The following TTN variants were observed in gnomAD, a reference collection of about 807,000 sequenced individuals.
TTN encodes connectin.
Under a neutral mutation model 3,223.0 loss-of-function variants are expected in TTN, and 1,525 were observed. The ratio of observed to expected loss-of-function variants is 0.47; its 90% CI spans 0.45 to 0.49. The LOEUF (loss-of-function observed/expected upper bound fraction) is 0.49. TTN is among the 20% of genes least tolerant of loss of function. The pLI, the probability that TTN is intolerant of heterozygous loss-of-function variation, is 0.00. For missense variants in TTN, 40,786 were observed against 43,424.0 expected, an observed-to-expected ratio of 0.94 and a Z score of 5.40; for synonymous variants, 14,094 against 15,161.0, an observed-to-expected ratio of 0.93 and a Z score of 5.17.
chr2:178,721,305 T>A, intron 78 of TTN, 103 bp from the exon 79 acceptor site: 2 of 1,051,164 alleles, frequency 1.9e-6, no homozygotes, highest in South Asian at 6.6e-5. Flanking sequence ...TTAAACTGGT[T>A]TGTTATTAAG....
In TTN at chr2:178,741,066, G is replaced by A. The variant is rs794729601; in HGVS notation, c.12167C>T (p.Pro4056Leu). ...TGCTTCAACTGCGGGACCCTTTAAG[G>A]GTGTCTGTGGAAAATCCTCAGGAGC... ...PEAPEDFPQTPLKGPAVEALD... is the reference protein window; with the variant it reads ...PEAPEDFPQTLLKGPAVEALD... The change falls in exon 48 of 363, where the codon CCC becomes CTC. Residue 4056 changes from proline to leucine, a missense_variant. Coordinates refer to ENST00000589042, the MANE Select transcript of TTN (RefSeq NM_001267550.2). The A allele has an allele frequency of 1.9e-6, 3 of 1,613,888 alleles. No individual in the cohort carries two copies.
intron 10 of TTN, among the ~76,000 whole-genome samples, chr2:178,791,272 A>T (rs1471224076): frequency 6.6e-6 from 1 of 152,228 alleles, no homozygotes. Context: ...AGGGAAATTC[A>T]GTCAGCAGCC....
intron 240 of TTN, among the ~76,000 whole-genome samples, chr2:178,626,283 C>A (rs1200240705): frequency 2.0e-5 from 3 of 151,948 alleles, no homozygotes; most frequent in Non-Finnish European, 4.4e-5. Flanking sequence ...TTCAAAACTG[C>A]AAATGAAAGT....
Position 178,713,946 on chromosome 2 carries a change from C to T in TTN, c.26712G>A (p.Val8904=). 6.8e-6 allele frequency: 11 copies of T among 1,613,668 alleles called. No individual in the cohort carries two copies. Among genetic ancestry groups the T allele is most frequent in the Non-Finnish European group, 8.5e-6 (10 of 1,179,690 alleles). ...AGCTGTCTTTGCCAACAGGGTTCTGCACCTCAAAACTGTATACCCCACTGT... is the reference window on the plus strand; with the variant it reads ...AGCTGTCTTTGCCAACAGGGTTCTGTACCTCAAAACTGTATACCCCACTGT... ...PSDSGVYSFE[V]QNPVGKDSCT... The change falls in exon 92 of 363, where the codon GTG becomes GTA. Residue 8904 remains valine, a synonymous_variant. Transcript: ENST00000589042.
rs925087891 is a variant in TTN, at chr2:178,537,910, C to T, written c.99297G>A (p.Glu33099=). The stretch of plus-strand genomic sequence containing the variant: ...TCATTTCTTTGCGTATTCCTGGGGC[C>T]TCTCCAGCTGAACAATATGAAAGAT... ...MSIKTKLTSG[E]APGIRKEMKD... The change falls in exon 355 of 363, where the codon GAG becomes GAA. Residue 33099 remains glutamate, a synonymous_variant. Transcript: ENST00000589042. 3.7e-6 allele frequency: 6 copies of T among 1,606,638 alleles called. No homozygotes were observed. The highest frequency in any genetic ancestry group is 1.3e-5 in the African/African-American group (1 of 74,674).
chr2:178,724,578 T>G, intron 71 of TTN, 40 bp from the exon 72 acceptor site: 1 of 1,532,414 alleles, frequency 6.5e-7, no homozygotes, highest in South Asian at 1.3e-5. Flanking sequence ...AAGTCTGGGA[T>G]CTTTACTCTG....
intron 169 of TTN, 22 bp from the exon 170 acceptor site, chr2:178,663,924 T>A: frequency 6.2e-7 from 1 of 1,613,030 alleles, no homozygotes; most frequent in Non-Finnish European, 8.5e-7. Context: ...TTAGTGAAAT[T>A]ACATTTAGGT....
intron 210 of TTN, 44 bp downstream of exon 210, chr2:178,650,120 A>G: frequency 6.6e-7 from 1 of 1,509,560 alleles, no homozygotes; most frequent in Non-Finnish European, 8.9e-7. Flanking sequence ...GACATGAAAA[A>G]TGAAATGACT....
rs750817310 is a variant in TTN, at chr2:178,599,745, A to T, written c.56156T>A (p.Phe18719Tyr). 4.3e-6 allele frequency: 7 copies of T among 1,612,856 alleles called. No individual in the cohort carries two copies. Among genetic ancestry groups the T allele is most frequent in the Non-Finnish European group, 5.9e-6 (7 of 1,179,294 alleles). Reference sequence around the variant, plus strand: ...ATCAGGCTTCTTTGGAGGAGCTTTAAACCAGGTTAGTGTCGGGAATGGCAC... The same window carrying T: ...ATCAGGCTTCTTTGGAGGAGCTTTATACCAGGTTAGTGTCGGGAATGGCAC... ...KGVPFPTLTW[F>Y]KAPPKKPDNK... Residue 18719 changes from phenylalanine (F) to tyrosine (Y), a missense_variant, in exon 289 of 363, where the codon TTT (phenylalanine) becomes TAT (tyrosine). Coordinates refer to ENST00000589042, the MANE Select transcript of TTN (RefSeq NM_001267550.2).
chr2:178,609,772 CT>C lies in TTN; in HGVS notation c.51650del (p.Glu17217GlyfsTer27), dbSNP rs2055869951. On this transcript the variant is annotated frameshift_variant, in exon 272 of 363. Transcript: ENST00000589042. LOFTEE classifies it high-confidence loss of function. ...TCTCTGCTCGCACACGGAATTGGTA[CT>C]CTTTCCCCTCTTCAAGTCCTTTTGC... ...YTAKGLEEGK[E>X]YQFRVRAENA... is the part of the protein sequence containing the mutation. 6.2e-7 allele frequency: 1 copy of C among 1,612,742 alleles called. No individual in the cohort carries two copies. The highest frequency in any genetic ancestry group is 1.7e-5 in the Admixed American group (1 of 59,942).
intron 318 of TTN, 21 bp downstream of exon 318, chr2:178,579,918 G>A: frequency 6.2e-7 from 1 of 1,612,768 alleles, no homozygotes; most frequent in Non-Finnish European, 8.5e-7. Context: ...AAAATGATGG[G>A]ATGATGGTTC....
At chr2:178,610,020 A>G (rs2055926645) in intron 271 of TTN, 34 bp from the exon 272 acceptor site, 14 of 1,610,164 alleles carry the variant, frequency 8.7e-6, no homozygotes, top group Admixed American at 1.7e-5. Context: ...AGTATCAGGA[A>G]AACCACCTTC....
chr2:178,799,438 A>G (rs1258966095), intron 6 of TTN, 49 bp downstream of exon 6: 18 of 1,612,748 alleles, frequency 1.1e-5, no homozygotes, highest in Non-Finnish European at 1.4e-5. Context: ...TCGTTTCAAA[A>G]CCTAGTTCCA....
Position 178,591,460 on chromosome 2 carries a change from C to T in TTN, c.60265G>A (p.Val20089Met), listed in dbSNP as rs2050176457. ...CTGACTGTGGTTCCAGCCTTTACCA[C>T]AAGACCTTCAATTAATTTCACATCT... ...ELDVKLIEGL[V>M]VKAGTTVRFP... The change falls in exon 304 of 363, where the codon GTG becomes ATG. Residue 20089 changes from valine to methionine, a missense_variant. By Grantham distance (21) the Val-to-Met change is conservative. Coordinates refer to ENST00000589042, the MANE Select transcript of TTN (RefSeq NM_001267550.2). The T allele has an allele frequency of 6.3e-7, 1 of 1,589,790 alleles. No homozygotes were observed. Among genetic ancestry groups the T allele is most frequent in the Non-Finnish European group, 8.5e-7 (1 of 1,171,548 alleles).
chr2:178,770,941 T>C, intron 34 of TTN: 3 of 770,108 alleles, frequency 3.9e-6, no homozygotes, highest in Non-Finnish European at 6.8e-6. Flanking sequence ...AATAGACTGA[T>C]TGGAGAAGGG....
rs1708670062 is a variant in TTN, at chr2:178,572,710, G to A, written c.73422C>T (p.Ser24474=). The change falls in exon 326 of 363, where the codon AGC becomes AGT. Residue 24474 remains serine, a synonymous_variant. Transcript: ENST00000589042. Reference sequence around the variant, plus strand: ...GGGTGTAAGAGCTTGTGGATTCGATGCTAGCTTTATCTAAAGATTCTCCAT... The same window carrying A: ...GGGTGTAAGAGCTTGTGGATTCGATACTAGCTTTATCTAAAGATTCTCCAT... ...RDHGESLDKA[S]IESTSSYTLL... 6.2e-7 allele frequency: 1 copy of A among 1,613,468 alleles called. No individual in the cohort carries two copies. Among genetic ancestry groups the A allele is most frequent in the South Asian group, 1.1e-5 (1 of 91,070 alleles).
chr2:178,749,082 C>T (rs1294788644), intron 47 of TTN: 1 of 1,612,880 alleles, frequency 6.2e-7, no homozygotes, highest in Non-Finnish European at 8.5e-7. Context: ...TCTTCATATA[C>T]AATGGCAGAT....
Position 178,577,719 on chromosome 2 carries a change from C to T in TTN, c.68707G>A (p.Val22903Ile), listed in dbSNP as rs754632693. 1.9e-6 allele frequency: 3 copies of T among 1,613,418 alleles called. No homozygotes were observed. In the Admixed American group the frequency reaches 5.0e-5, roughly 27 times the overall value. Residue 22903 changes from valine to isoleucine, a missense_variant, in exon 323 of 363, where the codon GTA becomes ATA. By Grantham distance (29) the Val-to-Ile change is conservative. Coordinates refer to ENST00000589042, the MANE Select transcript of TTN (RefSeq NM_001267550.2). ...TTTCCACCCTCAACAAGGTCAGTTA[C>T]AGTAAAGGCACATTCTGGGACATTA... ...HVNVPECAFT[V>I]TDLVEGGKYE...
chr2:178,774,771 C>G lies in TTN; in HGVS notation c.6790+150G>C, dbSNP rs4894049. The G allele has an allele frequency of 0.97, 900,655 of 924,586 alleles. 439,385 individuals are homozygous for G. The highest frequency in any genetic ancestry group is 0.99 in the Non-Finnish European group (621,244 of 626,414). The allele number at this position is 924,586 out of a possible 1,614,324, so 57.3% of individuals were successfully genotyped here. A position where few individuals can be genotyped will look rare whatever the true frequency, so the allele number is the denominator to read the frequency against. ...GTCAAATTGTTAACATTCTTAATTACGAACATAAATTTATGATTCTGGCTA... is the reference window on the plus strand; with the variant it reads ...GTCAAATTGTTAACATTCTTAATTAGGAACATAAATTTATGATTCTGGCTA... On this transcript the variant is annotated intron_variant, in intron 29 of 362. Coordinates refer to ENST00000589042, the MANE Select transcript of TTN (RefSeq NM_001267550.2).
Sources: allele counts gnomAD v4.1 joint callset (sites outside exome capture counted in the v4.1 genomes callset), GRCh38; gene constraint gnomAD v4.1.1; transcripts MANE v1.5; gene names NCBI Gene and HGNC (gene_info 2026-07-23, HGNC 2026-07-21).